The following ANK3 variants were observed in gnomAD, a reference collection of about 807,000 sequenced individuals.
ANK3 encodes ankyrin 3.
A neutral mutation model predicts 370.9 loss-of-function variants in ANK3; 57 were observed. The ratio of observed to expected loss-of-function variants is 0.15; its 90% confidence interval spans 0.12 to 0.19. The LOEUF is 0.19. ANK3 is among the 10% of genes least tolerant of loss of function. The pLI is 1.00. For missense variants in ANK3, 4,439 were observed against 5,302.1 expected (o/e 0.84, Z 5.06); for synonymous variants, 1,929 against 1,946.3 (o/e 0.99, Z 0.23).
intron 1 of ANK3, among the ~76,000 whole-genome samples, chr10:60,618,137 C>T (rs1241779350): frequency 6.6e-6 from 1 of 152,064 alleles, no homozygotes; most frequent in Non-Finnish European, 1.5e-5. Flanking sequence ...GCAGCCAGTA[C>T]ATGGTGGGGC....
At chr10:60,142,437 A>G (rs2094610680) in intron 23 of ANK3, among the ~76,000 whole-genome samples, 1 of 152,176 alleles carries the variant, frequency 6.6e-6, no homozygotes, top group Non-Finnish European at 1.5e-5. Context: ...GTTAGGAGCC[A>G]TATTCTTCCT....
chr10:60,200,347 T>C (rs755480515), intron 12 of ANK3, 120 bp from the exon 13 acceptor site: 1 of 761,570 alleles, frequency 1.3e-6, no homozygotes, highest in Non-Finnish European at 2.3e-6. Flanking sequence ...AAGCACTTCC[T>C]TATTGAAAAG....
At chr10:60,224,890 CT>C (rs1379312894) in intron 8 of ANK3, among the ~76,000 whole-genome samples, 1 of 151,156 alleles carries the variant, frequency 6.6e-6, no homozygotes, top group African/African-American at 2.4e-5. Context: ...AAGCTCTTTT[CT>C]TTTCTTTTTT....
At chr10:60,242,922 G>A (rs1337964641) in intron 7 of ANK3, among the ~76,000 whole-genome samples, 1 of 152,050 alleles carries the variant, frequency 6.6e-6, no homozygotes, top group African/African-American at 2.4e-5. Flanking sequence ...AGGTCACAAA[G>A]CTCCCATCAG....
intron 2 of ANK3, among the ~76,000 whole-genome samples, chr10:60,505,405 A>C (rs989717336): frequency 9.2e-5 from 14 of 152,118 alleles, no homozygotes; most frequent in Non-Finnish European, 1.5e-4. Context: ...ATTTTATATT[A>C]AACATTAATC....
intron 2 of ANK3, among the ~76,000 whole-genome samples, chr10:60,450,693 A>G (rs1033152676): frequency 1.3e-5 from 2 of 152,230 alleles, no homozygotes; most frequent in Non-Finnish European, 1.5e-5. Flanking sequence ...ATGAATCTGG[A>G]AAGATGGCTT....
At chr10:60,721,077 C>A (rs1272670696) in intron 1 of ANK3, among the ~76,000 whole-genome samples, 3 of 152,128 alleles carry the variant, frequency 2.0e-5, no homozygotes, top group Admixed American at 6.5e-5. Context: ...AGTAAAAATA[C>A]CCTCTAGAAG....
intron 1 of ANK3, among the ~76,000 whole-genome samples, chr10:60,310,530 G>A (rs750255070): frequency 6.6e-6 from 1 of 152,156 alleles, no homozygotes; most frequent in East Asian, 1.9e-4. Context: ...AGAAAAAAGA[G>A]TGAATAATAG....
chr10:60,677,706 G>C (rs72811834), intron 1 of ANK3, among the ~76,000 whole-genome samples: 5,291 of 149,634 alleles, frequency 0.035, 146 homozygotes, highest in Non-Finnish European at 0.056. Context: ...TTGATCTCCA[G>C]AGACTCTCAA....
chr10:60,505,057 T>C (rs1264360406), intron 2 of ANK3, among the ~76,000 whole-genome samples: 1 of 152,094 alleles, frequency 6.6e-6, no homozygotes, highest in Non-Finnish European at 1.5e-5. Flanking sequence ...TAAAAGCAAA[T>C]GATATGTCTA....
intron 1 of ANK3, among the ~76,000 whole-genome samples, chr10:60,310,075 G>A (rs941280636): frequency 1.3e-5 from 2 of 151,790 alleles, no homozygotes; most frequent in South Asian, 2.1e-4. Flanking sequence ...ACAGTTATGT[G>A]CCACTATACC....
chr10:60,178,367 C>T (rs1020233791), intron 18 of ANK3, among the ~76,000 whole-genome samples: 8 of 152,120 alleles, frequency 5.3e-5, no homozygotes, highest in Non-Finnish European at 1.0e-4. Context: ...GGACCTTATG[C>T]AAGTAATTAC....
At chr10:60,172,879 G>A (rs1340544373) in intron 20 of ANK3, 21 bp downstream of exon 20, 1 of 1,555,390 alleles carries the variant, frequency 6.4e-7, no homozygotes, top group Non-Finnish European at 8.9e-7. Context: ...CTCTTCTCCT[G>A]AGCTGGCCCT....
At chr10:60,519,389 C>T (rs976959686) in intron 2 of ANK3, among the ~76,000 whole-genome samples, 1 of 152,056 alleles carries the variant, frequency 6.6e-6, no homozygotes, top group Non-Finnish European at 1.5e-5. Flanking sequence ...AGCTTATAGC[C>T]CAATGCTGGT....
chr10:60,256,758 T>C (rs2097743927), intron 7 of ANK3, among the ~76,000 whole-genome samples: 1 of 152,168 alleles, frequency 6.6e-6, no homozygotes, highest in South Asian at 2.1e-4. Context: ...TTGCTTGGGA[T>C]AATGGCCTCC....
chr10:60,100,778 G>A (rs535057829), intron 28 of ANK3, among the ~76,000 whole-genome samples: 41 of 152,142 alleles, frequency 2.7e-4, no homozygotes, highest in Admixed American at 1.4e-3. Context: ...AAAGCCTTCC[G>A]TGTAATACTT....
At position 60,389,493 on chromosome 10, in the gene ANK3, T is replaced by A; in HGVS notation, c.46A>T (p.Ile16Phe). The change falls in exon 1 of 44, where the codon ATC becomes TTC. Residue 16 changes from isoleucine (I) to phenylalanine (F), a missense_variant. Coordinates refer to ENST00000280772, the MANE Select transcript of ANK3 (RefSeq NM_020987.5). ...SQLKKNRDLEINAEEEPEKKR... is the reference protein window; with the variant it reads ...SQLKKNRDLEFNAEEEPEKKR... Reference sequence around the variant, plus strand: ...TTCTCAGGCTCTTCTTCAGCATTGATTTCTAAATCCCTGTTTTTCTTTAAT... The same window carrying A: ...TTCTCAGGCTCTTCTTCAGCATTGAATTCTAAATCCCTGTTTTTCTTTAAT... 6.2e-7 allele frequency: 1 copy of A among 1,614,056 alleles called. No homozygotes were observed. Among genetic ancestry groups the A allele is most frequent in the Non-Finnish European group, 8.5e-7 (1 of 1,179,974 alleles).
intron 1 of ANK3, among the ~76,000 whole-genome samples, chr10:60,321,192 C>A (rs1266831977): frequency 4.0e-5 from 6 of 151,896 alleles, no homozygotes. Context: ...GAGTTTGAGA[C>A]CAGCCTGGCA....
chr10:60,668,101 T>G (rs2079021488), intron 1 of ANK3, among the ~76,000 whole-genome samples: 1 of 151,406 alleles, frequency 6.6e-6, no homozygotes, highest in Non-Finnish European at 1.5e-5. Context: ...GCAATCCTGC[T>G]CCTTGACCGA....
Sources: gnomAD v4.1 joint callset for allele counts (sites outside exome capture counted in the v4.1 genomes callset) on GRCh38, gnomAD v4.1.1 for gene constraint, MANE v1.5 for transcripts, NCBI Gene and HGNC (gene_info 2026-07-23, HGNC 2026-07-21) for gene names.